The following MYO5A variants were observed in gnomAD, a reference collection of about 807,000 sequenced individuals.
MYO5A encodes the protein myosin VA.
In MYO5A, 98 loss-of-function variants were observed where a neutral mutation model predicts 249.7. The observed-to-expected ratio is 0.39, with a 90% confidence interval of 0.33 to 0.46. The LOEUF is 0.46. Among genes scored for constraint, MYO5A ranks in the 20% least tolerant of loss-of-function variants. The pLI is 0.98. For missense variants in MYO5A, 1,696 were observed against 2,308.8 expected (o/e 0.73, Z 5.44); for synonymous variants, 778 against 810.6 (o/e 0.96, Z 0.68).
intron 28 of MYO5A, among the ~76,000 whole-genome samples, chr15:52,350,230 C>T (rs1008713568): frequency 6.6e-6 from 1 of 152,216 alleles, no homozygotes; most frequent in Non-Finnish European, 1.5e-5. Context: ...CCACACCTGG[C>T]CTGTGATTTA....
chr15:52,320,048 T>C (rs1407580137), intron 38 of MYO5A, among the ~76,000 whole-genome samples: 3 of 152,176 alleles, frequency 2.0e-5, no homozygotes, highest in African/African-American at 7.2e-5. Context: ...GACAACCATC[T>C]TGGAGAAAAC....
intron 1 of MYO5A, among the ~76,000 whole-genome samples, chr15:52,499,284 C>G (rs1272545111): frequency 6.6e-6 from 1 of 152,178 alleles, no homozygotes; most frequent in Admixed American, 6.5e-5. Context: ...TTAGAAGATT[C>G]TGAAGCATTA....
chr15:52,370,500 TA>T, intron 21 of MYO5A, 83 bp from the exon 22 acceptor site: 1 of 1,398,146 alleles, frequency 7.2e-7, no homozygotes, highest in Non-Finnish European at 1.0e-6. Context: ...TTATTCATCA[TA>T]TTCATGCTAT....
chr15:52,417,200 C>T (rs927604902), intron 4 of MYO5A, among the ~76,000 whole-genome samples: 2 of 152,162 alleles, frequency 1.3e-5, no homozygotes, highest in South Asian at 4.1e-4. Flanking sequence ...AATAGAGGGC[C>T]TCTGAATTCT....
intron 1 of MYO5A, among the ~76,000 whole-genome samples, chr15:52,442,424 GAGC>G (rs2075801721): frequency 6.6e-6 from 1 of 152,182 alleles, no homozygotes; most frequent in Non-Finnish European, 1.5e-5. Context: ...GAGAAGTGAA[GAGC>G]AGAAGTGTCC....
chr15:52,333,083 C>G (rs983800270), intron 34 of MYO5A, among the ~76,000 whole-genome samples: 2 of 152,210 alleles, frequency 1.3e-5, no homozygotes, highest in East Asian at 3.8e-4. Context: ...CCTGCCATCT[C>G]GGAAGCAGAA....
chr15:52,406,610 T>G (rs2141222024), intron 8 of MYO5A, among the ~76,000 whole-genome samples: 1 of 152,292 alleles, frequency 6.6e-6, no homozygotes, highest in South Asian at 2.1e-4. Context: ...CAAAATGCCA[T>G]CATATGATTT....
At chr15:52,321,040 T>TC (rs1325475246) in intron 38 of MYO5A, among the ~76,000 whole-genome samples, 1 of 151,598 alleles carries the variant, frequency 6.6e-6, no homozygotes, top group Non-Finnish European at 1.5e-5. Flanking sequence ...AGCCTGCTGA[T>TC]AATTTGCTGG....
intron 1 of MYO5A, among the ~76,000 whole-genome samples, chr15:52,483,533 A>AAC (rs762917004): frequency 1.0e-4 from 15 of 148,852 alleles, no homozygotes; most frequent in Non-Finnish European, 2.1e-4. Context: ...TAAAAACAAC[A>AAC]ACAACAACAA....
At chr15:52,490,602 A>G (rs1348066965) in intron 1 of MYO5A, among the ~76,000 whole-genome samples, 4 of 152,214 alleles carry the variant, frequency 2.6e-5, no homozygotes, top group Non-Finnish European at 4.4e-5. Context: ...AGAAAGTAGA[A>G]TAATGGTTGC....
At chr15:52,449,374 C>T (rs1324556754) in intron 1 of MYO5A, among the ~76,000 whole-genome samples, 1 of 152,172 alleles carries the variant, frequency 6.6e-6, no homozygotes, top group African/African-American at 2.4e-5. Context: ...TCTCACCTCT[C>T]CTGGCCTTGC....
intron 32 of MYO5A, among the ~76,000 whole-genome samples, chr15:52,339,159 T>G (rs11638675): frequency 0.066 from 10,110 of 152,254 alleles, 394 homozygotes; most frequent in South Asian, 0.096. Flanking sequence ...ACCTTTGCGT[T>G]TTGCTTCTAA....
At chr15:52,486,580 G>C (rs2076825137) in intron 1 of MYO5A, among the ~76,000 whole-genome samples, 1 of 152,138 alleles carries the variant, frequency 6.6e-6, no homozygotes, top group African/African-American at 2.4e-5. Context: ...GACTTTTCCA[G>C]TTGAAAACAA....
At chr15:52,365,490 C>A (rs2040760389) in intron 23 of MYO5A, among the ~76,000 whole-genome samples, 1 of 152,168 alleles carries the variant, frequency 6.6e-6, no homozygotes, top group South Asian at 2.1e-4. Context: ...AATCAGCCAA[C>A]CAGTCACATT....
At chr15:52,416,040 G>T in intron 5 of MYO5A, 105 bp downstream of exon 5, 1 of 1,316,062 alleles carries the variant, frequency 7.6e-7, no homozygotes, top group Non-Finnish European at 1.1e-6. Flanking sequence ...TAATTTTAGT[G>T]GCTGGAGACC....
At chr15:52,506,732 G>A (rs1393584604) in intron 1 of MYO5A, among the ~76,000 whole-genome samples, 1 of 152,100 alleles carries the variant, frequency 6.6e-6, no homozygotes, top group African/African-American at 2.4e-5. Flanking sequence ...ATACACAGGT[G>A]GCTGAGGTGT....
intron 8 of MYO5A, 80 bp from the exon 9 acceptor site, chr15:52,405,473 T>C (rs2042963711): frequency 1.2e-5 from 13 of 1,045,588 alleles, no homozygotes; most frequent in Non-Finnish European, 1.6e-5. Flanking sequence ...TTTAAGCCTA[T>C]TGTTAATTCC....
At chr15:52,368,251 G>A (rs1022110345) in intron 22 of MYO5A, among the ~76,000 whole-genome samples, 12 of 152,148 alleles carry the variant, frequency 7.9e-5, no homozygotes, top group Non-Finnish European at 1.6e-4. Flanking sequence ...TATCCCTTCC[G>A]AGGGCTCAGT....
intron 1 of MYO5A, among the ~76,000 whole-genome samples, chr15:52,458,761 T>C (rs369108924): frequency 1.8e-5 from 1 of 56,496 alleles, no homozygotes; most frequent in South Asian, 1.2e-3. Flanking sequence ...TATAAATAAA[T>C]ATAAAAACAA....
Sources: allele counts gnomAD v4.1 joint callset (sites outside exome capture counted in the v4.1 genomes callset), GRCh38; gene constraint gnomAD v4.1.1; transcripts MANE v1.5; gene names NCBI Gene and HGNC (gene_info 2026-07-23, HGNC 2026-07-21).